The following PTPRJ variants were observed in gnomAD, a reference collection of about 807,000 sequenced individuals.
The protein encoded by PTPRJ is receptor-type tyrosine-protein phosphatase eta.
Under a neutral mutation model 141.3 loss-of-function variants are expected in PTPRJ, and 129 were observed. The ratio of observed to expected loss-of-function variants is 0.91; its 90% confidence interval spans 0.79 to 1.06. PTPRJ has a LOEUF of 1.06. Among genes scored for constraint, PTPRJ ranks in the 50% least tolerant of loss-of-function variants. The pLI is 0.00. For missense variants in PTPRJ, 1,601 were observed against 1,679.7 expected, an observed-to-expected ratio of 0.95 and a Z score of 0.82; for synonymous variants, 610 against 640.5, an observed-to-expected ratio of 0.95 and a Z score of 0.72.
At chr11:48,164,284 G>A (rs1180494559) in intron 23 of PTPRJ, 96 bp from the exon 24 acceptor site, 3 of 1,477,530 alleles carry the variant, frequency 2.0e-6, no homozygotes, top group Non-Finnish European at 2.7e-6. Flanking sequence ...AAGTGTGACA[G>A]TGAAGGAAAG....
intron 12 of PTPRJ, among the ~76,000 whole-genome samples, chr11:48,144,161 G>C (rs1485882813): frequency 6.6e-6 from 1 of 152,172 alleles, no homozygotes; most frequent in Non-Finnish European, 1.5e-5. Flanking sequence ...ATAGAAATTT[G>C]CTGGTGCCAT....
chr11:48,004,912 T>A (rs578157815), intron 1 of PTPRJ, among the ~76,000 whole-genome samples: 10 of 152,284 alleles, frequency 6.6e-5, no homozygotes, highest in African/African-American at 2.4e-4. Context: ...ACAGTAAAAT[T>A]CATCCATTTA....
rs546450371 is a variant in PTPRJ, at chr11:48,025,870, C to T, written c.96+44862C>T. Among the ~76,000 whole-genome samples, 17 of 152,314 alleles carry T rather than the reference C, an allele frequency of 1.1e-4. No individual in the cohort carries two copies. The South Asian group carries it at 2.7e-3, about 24-fold the overall frequency. Reference sequence around the variant, plus strand: ...CCAGGCTGCATCTGCCTCAGACAGCCGGGTGTTCCCAAGACATGCTGCACT... The same window carrying T: ...CCAGGCTGCATCTGCCTCAGACAGCTGGGTGTTCCCAAGACATGCTGCACT... On this transcript the variant is annotated intron_variant, in intron 1 of 24. Transcript: ENST00000418331.
chr11:48,117,540 C>CAAAAAAAAAAAAAAAA (rs71045545), intron 3 of PTPRJ, among the ~76,000 whole-genome samples: 2 of 19,696 alleles, frequency 1.0e-4, no homozygotes, highest in African/African-American at 4.8e-4. Flanking sequence ...GATTCTGTCT[C>CAAAAAAAAAAAAAAAA]AAAAAAAAAA....
chr11:48,102,248 C>T (rs1056988601), intron 1 of PTPRJ, among the ~76,000 whole-genome samples: 7 of 152,276 alleles, frequency 4.6e-5, no homozygotes, highest in African/African-American at 1.7e-4. Flanking sequence ...TTGTCCTCAG[C>T]GTTGGGGTGA....
intron 1 of PTPRJ, among the ~76,000 whole-genome samples, chr11:48,055,405 C>T (rs188292627): frequency 1.2e-4 from 18 of 152,284 alleles, no homozygotes; most frequent in South Asian, 2.1e-4. Flanking sequence ...CCAAATCTCC[C>T]GCCAGATCTC....
At chr11:48,150,317 AT>A (rs1857450294) in intron 18 of PTPRJ, 134 bp downstream of exon 18, 1 of 683,158 alleles carries the variant, frequency 1.5e-6, no homozygotes, top group Non-Finnish European at 2.5e-6. Context: ...ACATGGCTTT[AT>A]TCTCTCTCCT....
chr11:48,090,783 C>G (rs1325893673), intron 1 of PTPRJ, among the ~76,000 whole-genome samples: 1 of 152,156 alleles, frequency 6.6e-6, no homozygotes, highest in African/African-American at 2.4e-5. Context: ...CTTTGGTTCT[C>G]TCAGGTGCCT....
chr11:48,036,538 AG>A (rs1854127569), intron 1 of PTPRJ, among the ~76,000 whole-genome samples: 1 of 152,202 alleles, frequency 6.6e-6, no homozygotes, highest in African/African-American at 2.4e-5. Flanking sequence ...ATTTTTGAAA[AG>A]TGATTTTTAG....
intron 1 of PTPRJ, among the ~76,000 whole-genome samples, chr11:48,034,560 G>A (rs1394540275): frequency 6.6e-6 from 1 of 152,060 alleles, no homozygotes; most frequent in African/African-American, 2.4e-5. Context: ...ATAGTGCCTG[G>A]TGCTCTATTG....
Position 48,139,777 on chromosome 11 carries a change from G to A in PTPRJ, c.2443+1G>A. The A allele has an allele frequency of 6.2e-7, 1 of 1,613,634 alleles. No homozygotes were observed. The highest frequency in any genetic ancestry group is 8.5e-7 in the Non-Finnish European group (1 of 1,179,936). The stretch of plus-strand genomic sequence containing the variant: ...AACACCTGCACTACTGGCATCACAG[G>A]TGGGCTACAAGGCAGGGGCTGGTCA... On this transcript the variant is annotated splice_donor_variant, in intron 11 of 24. Transcript: ENST00000418331. LOFTEE classifies it high-confidence loss of function.
intron 19 of PTPRJ, among the ~76,000 whole-genome samples, chr11:48,154,284 A>G (rs1484867786): frequency 1.3e-5 from 2 of 152,212 alleles, no homozygotes. Flanking sequence ...TTTCAGTTCT[A>G]TAATTCTGGA....
At chr11:48,132,726 C>A in intron 8 of PTPRJ, 1 of 950,676 alleles carries the variant, frequency 1.1e-6, no homozygotes, top group Non-Finnish European at 1.3e-6. Flanking sequence ...AGAAATGGGA[C>A]AGATTCCTTG....
intron 1 of PTPRJ, among the ~76,000 whole-genome samples, chr11:48,085,341 T>C (rs1855673480): frequency 6.6e-6 from 1 of 152,134 alleles, no homozygotes. Flanking sequence ...TTTATTTTTA[T>C]TTTTTATTTT....
At chr11:48,114,051 A>G (rs1012609598) in intron 3 of PTPRJ, among the ~76,000 whole-genome samples, 1 of 152,206 alleles carries the variant, frequency 6.6e-6, no homozygotes, top group African/African-American at 2.4e-5. Context: ...TTGTGATACA[A>G]TAGTTTTGTT....
intron 1 of PTPRJ, among the ~76,000 whole-genome samples, chr11:48,027,818 A>G (rs1160531078): frequency 6.6e-6 from 1 of 151,022 alleles, no homozygotes; most frequent in Non-Finnish European, 1.5e-5. Flanking sequence ...AAAAAAAAAA[A>G]AAAATCTTCA....
intron 1 of PTPRJ, among the ~76,000 whole-genome samples, chr11:48,013,417 C>T (rs962780497): frequency 3.9e-5 from 6 of 152,190 alleles, no homozygotes; most frequent in African/African-American, 1.4e-4. Flanking sequence ...TAGGTAGACT[C>T]AGATGACTGA....
At chr11:48,076,681 A>AT (rs1185513373) in intron 1 of PTPRJ, among the ~76,000 whole-genome samples, 1 of 151,202 alleles carries the variant, frequency 6.6e-6, no homozygotes, top group African/African-American at 2.4e-5. Context: ...TGCATTTAAG[A>AT]TTTTTTTTGG....
chr11:48,032,197 C>T (rs1395355091), intron 1 of PTPRJ, among the ~76,000 whole-genome samples: 1 of 152,172 alleles, frequency 6.6e-6, no homozygotes, highest in African/African-American at 2.4e-5. Flanking sequence ...GTTGCTTCCC[C>T]TAGCCTAGTT....
Sources: gnomAD v4.1 joint callset for allele counts (sites outside exome capture counted in the v4.1 genomes callset) on GRCh38, gnomAD v4.1.1 for gene constraint, MANE v1.5 for transcripts, NCBI Gene and HGNC (gene_info 2026-07-23, HGNC 2026-07-21) for gene names.